Variants in ECH1 observed in about 807,000 individuals in gnomAD.
ECH1 encodes enoyl-CoA hydratase 1.
ECH1 carries 30 observed loss-of-function variants against 37.0 expected under a neutral mutation model. That is an observed-to-expected ratio of 0.81 (90% CI 0.61 to 1.10). ECH1 has a LOEUF of 1.10. ECH1 is among the 50% of genes least tolerant of loss of function. The pLI, the probability that ECH1 is intolerant of heterozygous loss-of-function variation, is 0.00. For synonymous variants in ECH1, 178 were observed against 176.0 expected, an observed-to-expected ratio of 1.01 and a Z score of -0.09; for missense variants, 456 against 441.6, an observed-to-expected ratio of 1.03 and a Z score of -0.29.
At chr19:38,816,075 A>AAGAAGTGGCCACTCAC (rs1971571295) in intron 8 of ECH1, 68 bp from the exon 9 acceptor site, 1 of 1,595,268 alleles carries the variant, frequency 6.3e-7, no homozygotes, top group African/African-American at 1.3e-5. Flanking sequence ...CCCGCAGATG[A>AAGAAGTGGCCACTCAC]AGAAGTGGCC....
chr19:38,830,253 C>A (rs182446104), intron 3 of ECH1, among the ~76,000 whole-genome samples: 36 of 152,312 alleles, frequency 2.4e-4, no homozygotes, highest in African/African-American at 8.4e-4. Context: ...AAGAAAAGGT[C>A]AGTGGGTCAA....
intron 3 of ECH1, among the ~76,000 whole-genome samples, chr19:38,821,587 G>A (rs1046982854): frequency 2.0e-5 from 3 of 152,172 alleles, no homozygotes; most frequent in East Asian, 1.9e-4. Flanking sequence ...CCCCGCACTC[G>A]GAGTGGTGGG....
rs902707021 is a variant in ECH1, at chr19:38,816,799, C to T, written c.588+266G>A. 9.7e-6 allele frequency: 6 copies of T among 620,862 alleles called. No homozygotes were observed. The African/African-American group carries it at 1.1e-4, about 11-fold the overall frequency. 38.5% of individuals were successfully genotyped at this position (620,862 alleles called of 1,614,324 possible). ...AACCCTCCTCACCCTACCTGAGACC[C>T]CTTTACTGCATCCCCCGGCTCCATC... is the stretch of plus-strand genomic sequence containing the variant. On this transcript the variant is annotated intron_variant, in intron 6 of 9. Transcript: ENST00000221418.
intron 6 of ECH1, 81 bp downstream of exon 6, chr19:38,816,984 G>T (rs911829447): frequency 1.4e-6 from 2 of 1,459,676 alleles, no homozygotes; most frequent in Middle Eastern, 1.7e-4. Context: ...ACTCTTCCAT[G>T]AAGCCCTCGA....
intron 3 of ECH1, among the ~76,000 whole-genome samples, chr19:38,828,253 CAG>C (rs1396821026): frequency 2.0e-5 from 3 of 152,180 alleles, no homozygotes; most frequent in African/African-American, 4.8e-5. Flanking sequence ...TTTTTTGAGA[CAG>C]AGTCTCGCTC....
intron 3 of ECH1, chr19:38,818,136 G>T (rs1261441543): frequency 3.7e-6 from 3 of 815,920 alleles, no homozygotes; most frequent in Non-Finnish European, 4.4e-6. Context: ...GGGATTACAC[G>T]TGTGAGCCAC....
chr19:38,816,326 C>T lies in ECH1; in HGVS notation c.689G>A (p.Arg230His), dbSNP rs776507377. The change falls in exon 8 of 10, where the codon CGC (arginine) becomes CAC (histidine). Residue 230 changes from arginine to histidine, a missense_variant. Arg to His is a conservative substitution (Grantham distance 29). Coordinates refer to ENST00000221418, the MANE Select transcript of ECH1 (RefSeq NM_001398.3). ...SLVNELAFTA[R>H]KMMADEALGS... is the part of the protein sequence containing the mutation. ...CAGGGCCTCGTCAGCCATCATCTTGCGGGCGGTGAAGGCCAGCTCGTTGAC... is the reference window on the plus strand; with the variant it reads ...CAGGGCCTCGTCAGCCATCATCTTGTGGGCGGTGAAGGCCAGCTCGTTGAC... 8.1e-6 allele frequency: 13 copies of T among 1,613,700 alleles called. No individual in the cohort carries two copies. Among genetic ancestry groups the T allele is most frequent in the East Asian group, 4.5e-5 (2 of 44,888 alleles).
chr19:38,816,961 G>C, intron 6 of ECH1, 104 bp downstream of exon 6: 3 of 1,299,102 alleles, frequency 2.3e-6, no homozygotes, highest in Non-Finnish European at 3.2e-6. Context: ...TTACTTTGTC[G>C]GGTTCAACTC....
intron 3 of ECH1, among the ~76,000 whole-genome samples, chr19:38,825,527 C>A (rs1205028167): frequency 6.6e-6 from 1 of 152,150 alleles, no homozygotes; most frequent in African/African-American, 2.4e-5. Context: ...CAAAAGCAAG[C>A]CCTGGGCCCT....
rs368733837 is a variant in ECH1 at position 38,831,553 on chromosome 19, T to G, written c.53-37A>C. On this transcript the variant is annotated intron_variant, in intron 1 of 9. Transcript: ENST00000221418. ...GGAACAGCCTTTGATGACCCCAGAC[T>G]GCAAGACACAGGCCTATCGAATTAG... 5.7e-6 allele frequency: 9 copies of G among 1,589,628 alleles called. No individual in the cohort carries two copies. The African/African-American group carries it at 1.2e-4, about 21-fold the overall frequency.
intron 3 of ECH1, among the ~76,000 whole-genome samples, chr19:38,828,843 G>A (rs954932189): frequency 1.7e-4 from 25 of 150,600 alleles, no homozygotes; most frequent in African/African-American, 5.6e-4. Context: ...GGATGGTCTC[G>A]ATCTCCTGAC....
intron 3 of ECH1, among the ~76,000 whole-genome samples, chr19:38,818,927 G>GCA (rs1246998366): frequency 7.3e-6 from 1 of 137,636 alleles, no homozygotes; most frequent in African/African-American, 2.7e-5. Context: ...GTGTGTGTGT[G>GCA]TGTGTGCACT....
chr19:38,820,032 C>G, intron 3 of ECH1: 4 of 792,292 alleles, frequency 5.0e-6, no homozygotes, highest in Non-Finnish European at 6.1e-6. Context: ...AGATCACAGC[C>G]TGAGGCCAAA....
At chr19:38,830,953 T>A (rs1434723765) in intron 3 of ECH1, 125 bp downstream of exon 3, 6 of 742,290 alleles carry the variant, frequency 8.1e-6, no homozygotes, top group African/African-American at 2.6e-5. Flanking sequence ...AGACCCCGTC[T>A]CAAAAAAAAA....
At chr19:38,825,097 G>A (rs1015775538) in intron 3 of ECH1, among the ~76,000 whole-genome samples, 1 of 152,156 alleles carries the variant, frequency 6.6e-6, no homozygotes, top group African/African-American at 2.4e-5. Context: ...ATCAAACCCT[G>A]GCCTTTAATG....
chr19:38,831,555 C>A (rs1971826084), intron 1 of ECH1, 39 bp from the exon 2 acceptor site: 1 of 1,586,338 alleles, frequency 6.3e-7, no homozygotes, highest in Admixed American at 1.8e-5. Context: ...CCCCAGACTG[C>A]AAGACACAGG....
intron 3 of ECH1, among the ~76,000 whole-genome samples, chr19:38,824,920 G>A (rs920864411): frequency 6.6e-6 from 1 of 152,122 alleles, no homozygotes; most frequent in Non-Finnish European, 1.5e-5. Flanking sequence ...TAGGGGGAGG[G>A]GAATTTGGTC....
chr19:38,827,045 GAGA>G (rs1287760768), intron 3 of ECH1, among the ~76,000 whole-genome samples: 2 of 141,268 alleles, frequency 1.4e-5, no homozygotes, highest in South Asian at 2.5e-4. Flanking sequence ...GGAGGAGAGG[GAGA>G]AGGAGGGGAA....
At chr19:38,823,407 ACT>A (rs1971693586) in intron 3 of ECH1, among the ~76,000 whole-genome samples, 1 of 152,170 alleles carries the variant, frequency 6.6e-6, no homozygotes. Flanking sequence ...AGTGAGTACC[ACT>A]GGACCCCTTT....
Sources: allele counts gnomAD v4.1 joint callset (sites outside exome capture counted in the v4.1 genomes callset), GRCh38; gene constraint gnomAD v4.1.1; transcripts MANE v1.5; gene names NCBI Gene and HGNC (gene_info 2026-07-23, HGNC 2026-07-21).